Variants in SLC35F4 observed in about 807,000 individuals in gnomAD.
The protein encoded by SLC35F4 is solute carrier family 35 member F4, also known as chromosome 14 open reading frame 36.
SLC35F4 carries 24 observed loss-of-function variants against 44.2 expected under a neutral mutation model. That is an observed-to-expected ratio of 0.54 (90% CI 0.39 to 0.76). The LOEUF is 0.76. Among genes scored for constraint, SLC35F4 ranks in the 30% least tolerant of loss-of-function variants. The pLI is 0.00. For synonymous variants in SLC35F4, 238 were observed against 223.6 expected (o/e 1.06, Z -0.57); for missense variants, 562 against 586.1 (o/e 0.96, Z 0.42).
rs868311870 is a variant in SLC35F4, at chr14:57,582,540, T to C, written c.588-1107A>G. 7.9e-5 allele frequency among the ~76,000 whole-genome samples: 12 copies of C among 152,180 alleles called. 1 individual carries two copies. Among genetic ancestry groups the C allele is most frequent in the Admixed American group, 4.6e-4 (7 of 15,266 alleles). On this transcript the variant is annotated intron_variant, in intron 3 of 7. Transcript: ENST00000556826. ...TTAATAAAAATGTTCAAGCTAGCAA[T>C]ACATACAGGCAATAATGGAAGTGAT...
At chr14:57,608,521 C>A (rs796361178) in intron 1 of SLC35F4, among the ~76,000 whole-genome samples, 24 of 152,256 alleles carry the variant, frequency 1.6e-4, no homozygotes, top group African/African-American at 5.3e-4. Flanking sequence ...CTCCCACAGG[C>A]CTCAGAAGAA....
In SLC35F4 at chr14:57,589,377, C is replaced by T; in HGVS notation, c.426G>A (p.Trp142Ter). The T allele has an allele frequency of 6.2e-7, 1 of 1,613,884 alleles. No homozygotes were observed. Among genetic ancestry groups the T allele is most frequent in the Admixed American group, 1.7e-5 (1 of 60,004 alleles). ...LLIILSVSSS[W>*]VGTTQIVKIT... ...TTTTTACAATCTGTGTAGTTCCAACCCAAGATGATGATACTGACAAGATGA... is the reference window on the plus strand; with the variant it reads ...TTTTTACAATCTGTGTAGTTCCAACTCAAGATGATGATACTGACAAGATGA... The change falls in exon 3 of 8, where the codon TGG (tryptophan) becomes TGA (stop). Residue 142 changes from tryptophan to a stop codon, truncating the protein, a stop_gained. Transcript: ENST00000556826. LOFTEE classifies it high-confidence loss of function.
At chr14:57,648,642 G>A (rs1167971399) in intron 1 of SLC35F4, among the ~76,000 whole-genome samples, 2 of 152,120 alleles carry the variant, frequency 1.3e-5, no homozygotes, top group African/African-American at 4.8e-5. Flanking sequence ...TATAAATATG[G>A]ATGGTTTATG....
upstream of SLC35F4, among the ~76,000 whole-genome samples, chr14:57,982,384 C>T (rs1033836161): frequency 2.0e-5 from 3 of 152,168 alleles, no homozygotes; most frequent in South Asian, 6.2e-4. Flanking sequence ...AAAACAGAGC[C>T]GGACACTGCC....
rs577715681 is a variant in SLC35F4 at position 57,955,906 on chromosome 14, C to T, written n.282+26007G>A. ...ATTCAATGCTATACTCATCAAGCTA[C>T]CATTGACTTTCTTCATAGAATTATA... On this transcript the variant is annotated intron_variant and non_coding_transcript_variant, in intron 1 of 1. Coordinates refer to the SLC35F4 transcript ENST00000556568. 1.6e-3 allele frequency among the ~76,000 whole-genome samples: 248 copies of T among 152,310 alleles called. 1 individual carries two copies. Among genetic ancestry groups the T allele is most frequent in the Non-Finnish European group, 2.4e-3 (165 of 68,030 alleles).
At chr14:57,761,334 CTG>C (rs2077119850) in intron 1 of SLC35F4, among the ~76,000 whole-genome samples, 1 of 152,086 alleles carries the variant, frequency 6.6e-6, no homozygotes, top group Non-Finnish European at 1.5e-5. Context: ...GCAGGGGAAA[CTG>C]TTTACTTTCT....
chr14:57,714,946 A>G (rs181902022), intron 1 of SLC35F4, among the ~76,000 whole-genome samples: 57 of 152,328 alleles, frequency 3.7e-4, no homozygotes, highest in Middle Eastern at 3.4e-3. Context: ...TGCAGCTACA[A>G]ATCTCAGTTC....
intron 1 of SLC35F4, among the ~76,000 whole-genome samples, chr14:57,667,578 T>A (rs985285363): frequency 1.8e-4 from 27 of 148,558 alleles, no homozygotes; most frequent in Admixed American, 1.4e-3. Flanking sequence ...AGTGAGAACA[T>A]GCAGTGTTTG....
chr14:57,877,883 C>T (rs1888435842), intron 1 of SLC35F4, among the ~76,000 whole-genome samples: 1 of 151,684 alleles, frequency 6.6e-6, no homozygotes, highest in Admixed American at 6.6e-5. Context: ...TGGGGTTTCA[C>T]CATGTTGGCC....
chr14:57,588,950 T>G (rs1213274563), intron 3 of SLC35F4, among the ~76,000 whole-genome samples: 12 of 152,074 alleles, frequency 7.9e-5, no homozygotes, highest in Admixed American at 7.9e-4. Flanking sequence ...TGTCTTAAAA[T>G]GGGGATAACA....
intron 1 of SLC35F4, among the ~76,000 whole-genome samples, chr14:57,683,707 G>A (rs1051494903): frequency 4.6e-5 from 7 of 151,924 alleles, no homozygotes; most frequent in African/African-American, 1.7e-4. Context: ...TTTAAAATTG[G>A]TCTACTCCAG....
At chr14:57,618,981 G>T (rs1038000292) in intron 1 of SLC35F4, among the ~76,000 whole-genome samples, 15 of 152,202 alleles carry the variant, frequency 9.9e-5, no homozygotes, top group African/African-American at 3.4e-4. Flanking sequence ...GGGCCACACT[G>T]CCTCTCTAGA....
chr14:57,756,466 T>A (rs1009366787), intron 1 of SLC35F4, among the ~76,000 whole-genome samples: 2 of 152,160 alleles, frequency 1.3e-5, no homozygotes, highest in African/African-American at 2.4e-5. Flanking sequence ...TTAAATCTTT[T>A]AACATTTCAG....
At chr14:57,631,587 G>A (rs1443452386) in intron 1 of SLC35F4, among the ~76,000 whole-genome samples, 1 of 151,954 alleles carries the variant, frequency 6.6e-6, no homozygotes, top group Non-Finnish European at 1.5e-5. Context: ...TGCTTTTCAG[G>A]CCTCAGTTTA....
At chr14:57,890,311 T>C (rs1888733959) in intron 1 of SLC35F4, among the ~76,000 whole-genome samples, 1 of 152,146 alleles carries the variant, frequency 6.6e-6, no homozygotes, top group African/African-American at 2.4e-5. Context: ...GAAGTGTAGG[T>C]CAACCCGCAG....
chr14:57,925,843 C>T (rs1265353734), intron 1 of SLC35F4, among the ~76,000 whole-genome samples: 1 of 152,158 alleles, frequency 6.6e-6, no homozygotes, highest in African/African-American at 2.4e-5. Context: ...AAAGTGTTCA[C>T]TCTTGTCACC....
intron 1 of SLC35F4, among the ~76,000 whole-genome samples, chr14:57,703,057 TCTG>T (rs2075582694): frequency 6.6e-6 from 1 of 152,154 alleles, no homozygotes; most frequent in African/African-American, 2.4e-5. Flanking sequence ...CACCAGCTCT[TCTG>T]CTAAGCCAGA....
chr14:57,890,626 C>A (rs1888741414), intron 1 of SLC35F4, among the ~76,000 whole-genome samples: 1 of 152,146 alleles, frequency 6.6e-6, no homozygotes, highest in African/African-American at 2.4e-5. Context: ...CTCTCTGAAA[C>A]ACACAAGCTC....
chr14:57,736,415 T>C (rs1464991437), intron 1 of SLC35F4, among the ~76,000 whole-genome samples: 1 of 152,238 alleles, frequency 6.6e-6, no homozygotes, highest in Non-Finnish European at 1.5e-5. Flanking sequence ...ATGTATTTAC[T>C]GCACAGGAGG....
Sources: allele counts gnomAD v4.1 joint callset (sites outside exome capture counted in the v4.1 genomes callset), GRCh38; gene constraint gnomAD v4.1.1; transcripts MANE v1.5; gene names NCBI Gene and HGNC (gene_info 2026-07-23, HGNC 2026-07-21).